Variants in PFKP observed in about 807,000 individuals in gnomAD.
PFKP encodes the protein ATP-dependent 6-phosphofructokinase, platelet type.
A neutral mutation model predicts 94.3 loss-of-function variants in PFKP; 101 were observed. That is an observed-to-expected ratio of 1.07 (90% CI 0.91 to 1.26). PFKP has a LOEUF of 1.26. Among genes scored for constraint, PFKP ranks in the 50% most tolerant of loss-of-function variants. The pLI, the probability that PFKP is intolerant of heterozygous loss-of-function variation, is 0.00. For synonymous variants in PFKP, 573 were observed against 432.6 expected (o/e 1.32, Z -4.03); for missense variants, 1,145 against 1,103.3 (o/e 1.04, Z -0.53).
Position 3,134,563 on chromosome 10 carries a change from C to G in PFKP, c.2103C>G (p.Leu701=). 6.2e-7 allele frequency: 1 copy of G among 1,613,216 alleles called. No individual in the cohort carries two copies. The change falls in exon 20 of 22, where the codon CTC becomes CTG. Residue 701 remains leucine, a synonymous_variant. Coordinates refer to ENST00000381125, the MANE Select transcript of PFKP (RefSeq NM_002627.5). The part of the protein sequence containing the change: ...ARAMEWITAK[L]KEARGRGKKF... ...CTATGGAGTGGATCACTGCAAAACT[C>G]AAGGAGGCCCGGGGCAGAGGTAAGG... is the stretch of plus-strand genomic sequence containing the variant.
In PFKP at chr10:3,119,925, C is replaced by G. The variant is rs750120962; in HGVS notation, c.1564C>G (p.Arg522Gly). 2 of 1,614,120 alleles carry G rather than the reference C, an allele frequency of 1.2e-6. No homozygotes were observed. Among genetic ancestry groups the G allele is most frequent in the Non-Finnish European group, 1.7e-6 (2 of 1,180,016 alleles). ...GGGACTCCTGGAGCTGTCAGCCGCC[C>G]GGGAGAAGCACGAGGAGTTCTGTGT... is the stretch of plus-strand genomic sequence containing the variant. ...YLGLLELSAA[R>G]EKHEEFCVPM... The change falls in exon 16 of 22, where the codon CGG becomes GGG. Residue 522 changes from arginine to glycine, a missense_variant. Coordinates refer to ENST00000381125, the MANE Select transcript of PFKP (RefSeq NM_002627.5).
intron 16 of PFKP, among the ~76,000 whole-genome samples, chr10:3,127,005 G>A (rs986774222): frequency 6.6e-6 from 1 of 152,264 alleles, no homozygotes; most frequent in Non-Finnish European, 1.5e-5. Flanking sequence ...CCACCCACTC[G>A]GAGGCCAGGG....
chr10:3,080,888 G>A lies in PFKP; in HGVS notation c.113-1500G>A, dbSNP rs543322619. Among the ~76,000 whole-genome samples the A allele has an allele frequency of 6.6e-5, 10 of 152,228 alleles. No homozygotes were observed. In the South Asian group the frequency reaches 2.1e-3, roughly 32 times the overall value. ...AGCAAGGGTGTTAGCAGCATTCAGC[G>A]CCAGAGACAGAGAAGAAAGTTGTGC... On this transcript the variant is annotated intron_variant, in intron 1 of 21. Transcript: ENST00000381125.
At position 3,099,268 on chromosome 10, in the gene PFKP, C is replaced by T; in HGVS notation, c.187-7C>T. 1.9e-6 allele frequency: 3 copies of T among 1,606,914 alleles called. No homozygotes were observed. The highest frequency in any genetic ancestry group is 2.6e-6 in the Non-Finnish European group (3 of 1,173,482). On this transcript the variant is annotated splice_polypyrimidine_tract_variant and splice_region_variant and intron_variant, in intron 2 of 21. Coordinates refer to ENST00000381125, the MANE Select transcript of PFKP (RefSeq NM_002627.5). Reference sequence around the variant, plus strand: ...CATTTTTAAAAGATTCTCCCTTTCTCCCCTAGGGCTACCAGGGCATGGTGG... The same window carrying T: ...CATTTTTAAAAGATTCTCCCTTTCTTCCCTAGGGCTACCAGGGCATGGTGG...
chr10:3,110,761 T>C (rs889230128), intron 10 of PFKP, among the ~76,000 whole-genome samples: 1 of 152,206 alleles, frequency 6.6e-6, no homozygotes, highest in African/African-American at 2.4e-5. Flanking sequence ...TATATGCATA[T>C]ACATGCAGGT....
rs146481375 is a variant in PFKP, at chr10:3,099,975, C to G, written c.264+623C>G. ...TGGTGTGCCCGTGTGTATGTGTTAA[C>G]TGTGTGAATTTCTGGCTAGCGAATG... is the stretch of plus-strand genomic sequence containing the variant. On this transcript the variant is annotated intron_variant, in intron 3 of 21. Transcript: ENST00000381125. Among the ~76,000 whole-genome samples the G allele has an allele frequency of 4.0e-5, 6 of 150,358 alleles. No homozygotes were observed. In the South Asian group the frequency reaches 6.3e-4, roughly 16 times the overall value.
At chr10:3,123,891 G>A (rs1837662641) in intron 16 of PFKP, among the ~76,000 whole-genome samples, 1 of 152,220 alleles carries the variant, frequency 6.6e-6, no homozygotes, top group Non-Finnish European at 1.5e-5. Context: ...CTGGGCCTGG[G>A]TGGAGGTGGA....
chr10:3,107,442 T>C (rs1835745396), intron 8 of PFKP, 133 bp downstream of exon 8: 8 of 630,602 alleles, frequency 1.3e-5, no homozygotes, highest in Non-Finnish European at 2.2e-5. Flanking sequence ...ATTTTCATAA[T>C]GACTCAGAAG....
intron 13 of PFKP, among the ~76,000 whole-genome samples, chr10:3,116,563 G>A (rs182462372): frequency 4.6e-5 from 7 of 152,276 alleles, no homozygotes; most frequent in South Asian, 4.1e-4. Context: ...CAGGGAGAAC[G>A]CAGCCCCTCT....
chr10:3,077,255 T>C lies in PFKP; in HGVS notation c.113-5133T>C, dbSNP rs553813458. Among the ~76,000 whole-genome samples, 161 of 95,854 alleles carry C rather than the reference T, an allele frequency of 1.7e-3. 2 individuals are homozygous for C. Among genetic ancestry groups the C allele is most frequent in the African/African-American group, 5.5e-3 (149 of 26,882 alleles). 62.9% of individuals were successfully genotyped at this position (95,854 alleles called of 152,430 possible). On this transcript the variant is annotated intron_variant, in intron 1 of 21. Transcript: ENST00000381125. ...AGAGTTCATCTATTCTTTACTTTTT[T>C]TTTTTCTTTTTTTTTTTTTTTTTTT...
intron 16 of PFKP, among the ~76,000 whole-genome samples, chr10:3,121,811 T>TTA (rs1837448478): frequency 2.8e-5 from 1 of 35,576 alleles, no homozygotes; most frequent in East Asian, 9.8e-4. Flanking sequence ...TTCTTTTTTT[T>TTA]TTTTTTTTTT....
At chr10:3,135,302 T>G (rs1839114502) in intron 20 of PFKP, among the ~76,000 whole-genome samples, 1 of 152,176 alleles carries the variant, frequency 6.6e-6, no homozygotes, top group African/African-American at 2.4e-5. Context: ...TAAAAACCAG[T>G]GATGTGAATA....
At chr10:3,111,021 TGTTA>T (rs1836173455) in intron 10 of PFKP, among the ~76,000 whole-genome samples, 1 of 151,838 alleles carries the variant, frequency 6.6e-6, no homozygotes, top group Admixed American at 6.5e-5. Context: ...TGTTTCTGCA[TGTTA>T]GTGTGTGCAT....
intron 1 of PFKP, among the ~76,000 whole-genome samples, chr10:3,078,807 G>A (rs1001038008): frequency 3.3e-5 from 5 of 152,166 alleles, no homozygotes; most frequent in African/African-American, 1.2e-4. Context: ...CAGTCAGCAA[G>A]GGACGTCCTA....
intron 1 of PFKP, among the ~76,000 whole-genome samples, chr10:3,078,624 G>A (rs1002015696): frequency 1.3e-5 from 2 of 152,220 alleles, no homozygotes; most frequent in African/African-American, 4.8e-5. Context: ...AAGTTAAAAT[G>A]AAATAAGACT....
At chr10:3,109,640 A>T (rs10082547) in intron 10 of PFKP, among the ~76,000 whole-genome samples, 160 bp downstream of exon 10, 1 of 152,330 alleles carries the variant, frequency 6.6e-6, no homozygotes. Flanking sequence ...GAGAAGGCTT[A>T]TGTTCTCTCC....
intron 2 of PFKP, among the ~76,000 whole-genome samples, chr10:3,093,495 G>A (rs1046368694): frequency 7.2e-5 from 11 of 152,236 alleles, no homozygotes; most frequent in South Asian, 2.1e-4. Flanking sequence ...ACTAACACGC[G>A]TGCGTGCTCA....
intron 1 of PFKP, among the ~76,000 whole-genome samples, chr10:3,079,672 G>GGGGGA (rs1832890430): frequency 1.8e-5 from 2 of 111,582 alleles, no homozygotes; most frequent in Non-Finnish European, 4.2e-5. Context: ...TGGGGGGGGG[G>GGGGGA]GGAAGAGGAG....
rs140189484 is a variant in PFKP, at chr10:3,110,826, A to G, written c.1089+1346A>G. Among the ~76,000 whole-genome samples the G allele has an allele frequency of 1.7e-3, 257 of 151,724 alleles. 1 individual carries two copies. The highest frequency in any genetic ancestry group is 6.8e-3 in the Middle Eastern group (2 of 292). Reference sequence around the variant, plus strand: ...TGTTTGTGAGGTAGTTTGGGTCTGCATGTATGTGTATGTTTATATGCATGA... The same window carrying G: ...TGTTTGTGAGGTAGTTTGGGTCTGCGTGTATGTGTATGTTTATATGCATGA... On this transcript the variant is annotated intron_variant, in intron 10 of 21. Transcript: ENST00000381125.
Sources: allele counts gnomAD v4.1 joint callset (sites outside exome capture counted in the v4.1 genomes callset), GRCh38; gene constraint gnomAD v4.1.1; transcripts MANE v1.5; gene names NCBI Gene and HGNC (gene_info 2026-07-23, HGNC 2026-07-21).